PIP5K1B: variants seen among roughly 807,000 people sequenced by gnomAD.
PIP5K1B encodes the protein phosphatidylinositol 4-phosphate 5-kinase type-1 beta.
Under a neutral mutation model 67.0 loss-of-function variants are expected in PIP5K1B, and 42 were observed. The observed-to-expected ratio is 0.63, with a 90% CI of 0.49 to 0.81. The LOEUF is 0.81. PIP5K1B is among the 30% of genes least tolerant of loss of function. The pLI, the probability that PIP5K1B is intolerant of heterozygous loss-of-function variation, is 0.00. For missense variants in PIP5K1B, 459 were observed against 646.3 expected (o/e 0.71, Z 3.14); for synonymous variants, 214 against 231.4 (o/e 0.92, Z 0.68).
chr9:68,719,022 G>A (rs1321228406), intron 1 of PIP5K1B, among the ~76,000 whole-genome samples: 8 of 152,174 alleles, frequency 5.3e-5, no homozygotes, highest in Non-Finnish European at 8.8e-5. Context: ...GTATTTGAGG[G>A]AGGTCTTCAA....
intron 4 of PIP5K1B, among the ~76,000 whole-genome samples, chr9:68,829,791 A>C (rs576472827): frequency 6.6e-6 from 1 of 152,362 alleles, no homozygotes; most frequent in Non-Finnish European, 1.5e-5. Context: ...TGCTGTGAGG[A>C]TCAAACAGTT....
intron 4 of PIP5K1B, among the ~76,000 whole-genome samples, chr9:68,855,326 A>C (rs1822713738): frequency 6.6e-6 from 1 of 151,538 alleles, no homozygotes; most frequent in Non-Finnish European, 1.5e-5. Flanking sequence ...CTCCTTGGAT[A>C]CTCCCCTCTC....
intron 14 of PIP5K1B, among the ~76,000 whole-genome samples, chr9:68,953,264 C>A (rs1328225355): frequency 6.6e-6 from 1 of 151,954 alleles, no homozygotes; most frequent in African/African-American, 2.4e-5. Flanking sequence ...TATAAGAATT[C>A]TTTTTTTGTT....
At chr9:68,753,737 G>A (rs1829765632) in intron 2 of PIP5K1B, among the ~76,000 whole-genome samples, 1 of 151,960 alleles carries the variant, frequency 6.6e-6, no homozygotes, top group Non-Finnish European at 1.5e-5. Context: ...TGTTAGCCAG[G>A]ATGGTCTTGA....
intron 2 of PIP5K1B, among the ~76,000 whole-genome samples, chr9:68,808,264 A>G (rs1043636170): frequency 6.6e-6 from 1 of 152,188 alleles, no homozygotes; most frequent in Non-Finnish European, 1.5e-5. Flanking sequence ...AAGTTCAACT[A>G]TGTGAGATTA....
chr9:68,952,822 C>T (rs1828154981), intron 14 of PIP5K1B, among the ~76,000 whole-genome samples: 1 of 151,422 alleles, frequency 6.6e-6, no homozygotes, highest in South Asian at 2.1e-4. Context: ...TGCCTGCCTG[C>T]CTGCCTTCCT....
chr9:68,715,550 T>A (rs1827594092), intron 1 of PIP5K1B, among the ~76,000 whole-genome samples: 1 of 152,150 alleles, frequency 6.6e-6, no homozygotes, highest in Admixed American at 6.5e-5. Flanking sequence ...CCATCCCCAG[T>A]CTAGGACAGG....
chr9:68,774,781 C>T (rs1288914929), intron 2 of PIP5K1B, among the ~76,000 whole-genome samples: 2 of 152,188 alleles, frequency 1.3e-5, no homozygotes, highest in South Asian at 4.1e-4. Context: ...AGTACTACAG[C>T]TAATTCATCC....
At chr9:68,992,601 A>T (rs988986057) in intron 15 of PIP5K1B, among the ~76,000 whole-genome samples, 6 of 152,072 alleles carry the variant, frequency 3.9e-5, no homozygotes, top group Non-Finnish European at 5.9e-5. Flanking sequence ...GCACTTTGGG[A>T]GTCTGAGGCA....
At chr9:68,780,748 G>A in intron 2 of PIP5K1B, 1 of 1,614,236 alleles carries the variant, frequency 6.2e-7, no homozygotes, top group Non-Finnish European at 8.5e-7. Context: ...AATTGCATTA[G>A]ACCAAGTGTT....
chr9:68,914,024 CA>C (rs1825972789), intron 8 of PIP5K1B, among the ~76,000 whole-genome samples: 2 of 151,860 alleles, frequency 1.3e-5, no homozygotes, highest in African/African-American at 4.8e-5. Flanking sequence ...ACTGCAAGTA[CA>C]AAACACATGG....
Position 68,838,157 on chromosome 9 carries a change from AT to A in PIP5K1B, c.69+15478del, listed in dbSNP as rs1451316057. 2.7e-5 allele frequency among the ~76,000 whole-genome samples: 4 copies of A among 145,754 alleles called. No homozygotes were observed. The East Asian group carries it at 8.1e-4, about 29-fold the overall frequency. ...GTTAGATCTTGATTTATGTGAGTTT[AT>A]TTTGTAAACTGACAACCTGTTTTTT... On this transcript the variant is annotated intron_variant, in intron 4 of 15. Transcript: ENST00000265382.
intron 2 of PIP5K1B, chr9:68,781,780 G>T (rs1831300286): frequency 6.0e-6 from 1 of 166,338 alleles, no homozygotes; most frequent in African/African-American, 2.4e-5. Flanking sequence ...CATTTGCTTG[G>T]GTGTAATCCT....
chr9:68,857,253 T>C (rs1220744848), intron 4 of PIP5K1B, among the ~76,000 whole-genome samples: 3 of 152,180 alleles, frequency 2.0e-5, no homozygotes, highest in Non-Finnish European at 4.4e-5. Flanking sequence ...CTTGTAGTAA[T>C]TTATTATAGA....
intron 4 of PIP5K1B, among the ~76,000 whole-genome samples, chr9:68,850,651 T>G (rs201324947): frequency 0.065 from 9,842 of 152,266 alleles, 653 homozygotes; most frequent in African/African-American, 0.17. Flanking sequence ...AACTAATATA[T>G]AACCTTTCAA....
chr9:68,740,928 C>T (rs1319947853), intron 1 of PIP5K1B, among the ~76,000 whole-genome samples: 2 of 152,210 alleles, frequency 1.3e-5, no homozygotes, highest in Non-Finnish European at 2.9e-5. Context: ...CTTTTACCTA[C>T]AAACCTGAGA....
In PIP5K1B at chr9:68,864,934, CTA is replaced by C. The variant is rs904976727; in HGVS notation, c.200+971_200+972del. ...GTGTCCTCATCACCTTATTAAAAAT[CTA>C]TATGTATCTTTAGAATAATTGTCTT... On this transcript the variant is annotated intron_variant, in intron 5 of 15. Coordinates refer to ENST00000265382, the MANE Select transcript of PIP5K1B (RefSeq NM_003558.4). 2.8e-3 allele frequency among the ~76,000 whole-genome samples: 427 copies of C among 151,406 alleles called. 1 individual carries two copies. Among genetic ancestry groups the C allele is most frequent in the African/African-American group, 9.7e-3 (402 of 41,440 alleles).
At chr9:68,891,474 C>A (rs1430917123) in intron 7 of PIP5K1B, among the ~76,000 whole-genome samples, 1 of 149,414 alleles carries the variant, frequency 6.7e-6, no homozygotes, top group Non-Finnish European at 1.5e-5. Context: ...ATAAATAAAT[C>A]AATGATTATA....
intron 11 of PIP5K1B, 63 bp from the exon 12 acceptor site, chr9:68,923,239 C>T: frequency 1.1e-6 from 1 of 903,510 alleles, no homozygotes; most frequent in African/African-American, 1.7e-5. Context: ...GCATAGATCT[C>T]TCTTCTGACT....
Sources: allele counts gnomAD v4.1 joint callset (sites outside exome capture counted in the v4.1 genomes callset), GRCh38; gene constraint gnomAD v4.1.1; transcripts MANE v1.5; gene names NCBI Gene and HGNC (gene_info 2026-07-23, HGNC 2026-07-21).